ARFRP1: variants seen among roughly 807,000 people sequenced by gnomAD.
The protein encoded by ARFRP1 is ARF related protein 1, also known as ADP-ribosylation factor-related protein 1.
A neutral mutation model predicts 30.3 loss-of-function variants in ARFRP1; 19 were observed. The observed-to-expected ratio is 0.63, with a 90% CI of 0.44 to 0.92. ARFRP1 has a LOEUF of 0.92. Among genes scored for constraint, ARFRP1 ranks in the 40% least tolerant of loss-of-function variants. The pLI, the probability that ARFRP1 is intolerant of heterozygous loss-of-function variation, is 0.00. For missense variants in ARFRP1, 245 were observed against 267.5 expected, an observed-to-expected ratio of 0.92 and a Z score of 0.59; for synonymous variants, 133 against 114.2, an observed-to-expected ratio of 1.16 and a Z score of -1.05.
intron 6 of ARFRP1, chr20:63,701,303 C>G (rs1358411263): frequency 1.9e-6 from 1 of 530,944 alleles, no homozygotes; most frequent in Non-Finnish European, 3.9e-6. Flanking sequence ...CCTCTGGACG[C>G]CGGGCTGCTT....
intron 6 of ARFRP1, chr20:63,701,374 A>G (rs1189156942): frequency 1.9e-6 from 1 of 539,054 alleles, no homozygotes; most frequent in African/African-American, 1.9e-5. Context: ...TCCCGGGGGC[A>G]GTGGCACCTC....
Position 63,700,496 on chromosome 20 carries a change from TCAC to T in ARFRP1, c.550_552del (p.Val184del). On this transcript the variant is annotated inframe_deletion, in exon 8 of 8. Transcript: ENST00000622789. ...CGGTGCACATTCCGCACGACACACT[TCAC>T]CATCCACTCGATGCCCTCGCGCACC... 1 of 1,610,584 alleles carries T rather than the reference TCAC, an allele frequency of 6.2e-7. No homozygotes were observed. Among genetic ancestry groups the T allele is most frequent in the Non-Finnish European group, 8.5e-7 (1 of 1,179,846 alleles).
chr20:63,698,707 T>TGGGAG lies in ARFRP1; in HGVS notation c.*1731_*1735dup. 16 of 1,070,534 alleles carry TGGGAG rather than the reference T, an allele frequency of 1.5e-5. No homozygotes were observed. In the South Asian group the frequency reaches 3.0e-4, roughly 20 times the overall value. The allele number at this position is 1,070,534 out of a possible 1,614,324, so 66.3% of individuals were successfully genotyped here. Reference sequence around the variant, plus strand: ...AAACTGGTTGTAGTTGCACAGCTACTGGGAGGGCAGCCGGGGACACCTGAG... The same window carrying TGGGAG: ...AAACTGGTTGTAGTTGCACAGCTACTGGGAGGGGAGGGCAGCCGGGGACACCTGAG... On this transcript the variant is annotated 3_prime_UTR_variant, in exon 8 of 8. Transcript: ENST00000622789.
At position 63,706,691 on chromosome 20, in the gene ARFRP1, C is replaced by G. The variant is rs747917536; in HGVS notation, c.141G>C (p.Gly47=). 2 of 1,614,050 alleles carry G rather than the reference C, an allele frequency of 1.2e-6. No individual in the cohort carries two copies. The highest frequency in any genetic ancestry group is 1.3e-5 in the African/African-American group (1 of 75,046). ...SKTRFNKNYK[G]MSLSKITTTV... ...TGGTGGTGATTTTGGATAGACTCAT[C>G]CCCTTGTAGTTCTTGTTAAATCGGG... The change falls in exon 3 of 8, where the codon GGG becomes GGC. Residue 47 remains glycine, a synonymous_variant. Transcript: ENST00000622789.
intron 4 of ARFRP1, chr20:63,705,440 A>G: frequency 2.9e-6 from 1 of 340,072 alleles, no homozygotes; most frequent in Non-Finnish European, 5.8e-6. Flanking sequence ...TGCCCTGCTC[A>G]GTGCTGGACT....
intron 4 of ARFRP1, chr20:63,702,989 AG>A (rs949611214): frequency 3.3e-5 from 5 of 152,300 alleles, no homozygotes; most frequent in African/African-American, 7.2e-5. Flanking sequence ...GACAGGGCAC[AG>A]CCCCTGCAGC....
intron 4 of ARFRP1, chr20:63,702,492 C>T (rs2091263563): frequency 6.3e-6 from 3 of 476,810 alleles, no homozygotes; most frequent in Non-Finnish European, 1.1e-5. Flanking sequence ...GTGGCTCACA[C>T]TTATTATCCC....
chr20:63,703,188 T>C (rs995450381), intron 4 of ARFRP1: 2 of 152,138 alleles, frequency 1.3e-5, no homozygotes, highest in South Asian at 2.1e-4. Context: ...GCTGACCAGG[T>C]AGGACAAGCT....
intron 5 of ARFRP1, 107 bp downstream of exon 5, chr20:63,702,029 G>A (rs1317323629): frequency 7.9e-6 from 7 of 885,188 alleles, no homozygotes; most frequent in Non-Finnish European, 1.2e-5. Flanking sequence ...CACTAGGCAG[G>A]AGCACTTCTG....
chr20:63,699,784 G>A lies in ARFRP1; in HGVS notation c.*659C>T, dbSNP rs1246314283. On this transcript the variant is annotated 3_prime_UTR_variant, in exon 8 of 8. Coordinates refer to ENST00000622789, the MANE Select transcript of ARFRP1 (RefSeq NM_001267547.3). ...GGCATAAAAACAGCCACTCCCAGCA[G>A]GCCCCCTCAGCTTTTTGCATCAGTC... 1 of 154,356 alleles carries A rather than the reference G, an allele frequency of 6.5e-6. No individual in the cohort carries two copies. Among genetic ancestry groups the A allele is most frequent in the African/African-American group, 2.4e-5 (1 of 41,440 alleles). 9.6% of individuals were successfully genotyped at this position (154,356 alleles called of 1,614,324 possible).
At position 63,701,898 on chromosome 20, in the gene ARFRP1, T is replaced by C; in HGVS notation, c.349A>G (p.Lys117Glu). The C allele has an allele frequency of 3.9e-6, 6 of 1,549,608 alleles. No homozygotes were observed. Among genetic ancestry groups the C allele is most frequent in the Non-Finnish European group, 5.2e-6 (6 of 1,146,814 alleles). The change falls in exon 6 of 8, where the codon AAG becomes GAG. Residue 117 changes from lysine to glutamate, a missense_variant and splice_region_variant. Transcript: ENST00000622789. ...CACAGCGCCTCGCTGGTCACCACCT[T>C]CTCTGGGGAGGGCAGGAGAGGCAGC... ...RLAESKQAFEKVVTSEALCGV... is the reference protein window; with the variant it reads ...RLAESKQAFEEVVTSEALCGV...
intron 2 of ARFRP1, 35 bp from the exon 3 acceptor site, chr20:63,706,773 A>AG: frequency 2.0e-6 from 3 of 1,529,580 alleles, no homozygotes; most frequent in Non-Finnish European, 2.7e-6. Flanking sequence ...CACATCAAGG[A>AG]GGGGCTATAC....
chr20:63,700,412 A>C lies in ARFRP1; in HGVS notation c.*31T>G. On this transcript the variant is annotated 3_prime_UTR_variant, in exon 8 of 8. Coordinates refer to ENST00000622789, the MANE Select transcript of ARFRP1 (RefSeq NM_001267547.3). ...GAGGCCACTCCTCCAGCACCAGGGG[A>C]CCAGCCGTCCCGACGGCAGCGCGGC... 1.2e-6 allele frequency: 2 copies of C among 1,603,196 alleles called. No homozygotes were observed. The highest frequency in any genetic ancestry group is 1.7e-6 in the Non-Finnish European group (2 of 1,179,412).
At chr20:63,706,070 T>C (rs141051239) in intron 4 of ARFRP1, 3 of 404,104 alleles carry the variant, frequency 7.4e-6, no homozygotes, top group Non-Finnish European at 1.4e-5. Context: ...TGCTCTGATC[T>C]GATCGCCTTG....
chr20:63,702,987 A>G (rs2091284445), intron 4 of ARFRP1: 1 of 152,304 alleles, frequency 6.6e-6, no homozygotes, highest in Non-Finnish European at 1.5e-5. Context: ...AAGACAGGGC[A>G]CAGCCCCTGC....
intron 6 of ARFRP1, chr20:63,701,477 C>T: frequency 2.1e-6 from 1 of 484,932 alleles, no homozygotes; most frequent in Admixed American, 3.1e-5. Flanking sequence ...AGCTGACTCC[C>T]ACCAGGGCCC....
rs373729217 is a variant in ARFRP1 at position 63,702,273 on chromosome 20, G to A, written c.265-56C>T. The stretch of plus-strand genomic sequence containing the variant: ...GTCCCCACCCTGCCAAGGGCCAGCA[G>A]AGCCAGGCCTGTGTCATGGCCACAG... On this transcript the variant is annotated intron_variant, in intron 4 of 7. Coordinates refer to ENST00000622789, the MANE Select transcript of ARFRP1 (RefSeq NM_001267547.3). 1.2e-4 allele frequency: 178 copies of A among 1,530,668 alleles called. No homozygotes were observed. In the African/African-American group the frequency reaches 2.2e-3, roughly 19 times the overall value. 94.8% of individuals were successfully genotyped at this position (1,530,668 alleles called of 1,614,324 possible). A position where few individuals can be genotyped will look rare whatever the true frequency, so the allele number is the denominator to read the frequency against.
chr20:63,701,922 G>C, intron 5 of ARFRP1, 22 bp from the exon 6 acceptor site: 1 of 1,546,860 alleles, frequency 6.5e-7, no homozygotes, highest in Non-Finnish European at 8.7e-7. Context: ...AGGAGAGGCA[G>C]CGCCTCACAC....
At chr20:63,706,195 G>C in intron 4 of ARFRP1, 162 bp downstream of exon 4, 1 of 689,648 alleles carries the variant, frequency 1.5e-6, no homozygotes, top group Non-Finnish European at 2.5e-6. Flanking sequence ...GTTCAGCTGG[G>C]ACAAAACAGG....
Sources: allele counts gnomAD v4.1 joint callset, GRCh38; gene constraint gnomAD v4.1.1; transcripts MANE v1.5; gene names NCBI Gene and HGNC (gene_info 2026-07-23, HGNC 2026-07-21).